Variants in TBC1D4 observed in about 807,000 individuals in gnomAD.
TBC1D4 encodes TBC1 domain family member 4, also known as TBC (Tre-2, BUB2, CDC16) domain-containing protein.
Under a neutral mutation model 142.5 loss-of-function variants are expected in TBC1D4, and 121 were observed. The ratio of observed to expected loss-of-function variants is 0.85; its 90% CI spans 0.73 to 0.99. TBC1D4 has a LOEUF of 0.99. Ranked by LOEUF, TBC1D4 falls within the 50% of genes least tolerant of loss-of-function variation. The pLI is 0.00. For synonymous variants in TBC1D4, 630 were observed against 628.2 expected, an observed-to-expected ratio of 1.00 and a Z score of -0.04; for missense variants, 1,475 against 1,606.6, an observed-to-expected ratio of 0.92 and a Z score of 1.40.
chr13:75,407,080 A>AG (rs1345542813), intron 1 of TBC1D4, among the ~76,000 whole-genome samples: 1 of 152,198 alleles, frequency 6.6e-6, no homozygotes, highest in African/African-American at 2.4e-5. Context: ...TGCATGCATA[A>AG]GGAGGAGAAA....
intron 1 of TBC1D4, among the ~76,000 whole-genome samples, chr13:75,426,147 A>G (rs1294283633): frequency 1.3e-5 from 2 of 152,192 alleles, no homozygotes; most frequent in Non-Finnish European, 2.9e-5. Flanking sequence ...ACATTTCTCC[A>G]AAGAAGACAT....
chr13:75,464,170 G>T (rs1888078390), intron 1 of TBC1D4, among the ~76,000 whole-genome samples: 1 of 152,126 alleles, frequency 6.6e-6, no homozygotes. Flanking sequence ...CTTTCTCAGA[G>T]CCCCTGGCTG....
At chr13:75,419,314 G>C (rs1886061574) in intron 1 of TBC1D4, among the ~76,000 whole-genome samples, 2 of 152,078 alleles carry the variant, frequency 1.3e-5, no homozygotes, top group South Asian at 4.1e-4. Context: ...TCCAGTGCTG[G>C]AGGAGGAAAA....
At position 75,481,729 on chromosome 13, in the gene TBC1D4, C is replaced by T; in HGVS notation, c.39G>A (p.Pro13=). 3.1e-6 allele frequency: 5 copies of T among 1,594,736 alleles called. No homozygotes were observed. In the South Asian group the frequency reaches 4.5e-5, roughly 14 times the overall value. The change falls in exon 1 of 21, where the codon CCG becomes CCA. Residue 13 remains proline, a synonymous_variant. Coordinates refer to ENST00000377636, the MANE Select transcript of TBC1D4 (RefSeq NM_014832.5). The part of the protein sequence containing the change: ...PPSCIQDEPF[P]HPLEPEPGVS... ...CGCCCGGCTCGGGCTCCAGGGGGTG[C>T]GGGAACGGCTCATCCTGAATGCAGC... is the stretch of plus-strand genomic sequence containing the variant.
chr13:75,357,908 A>C (rs914034176), intron 3 of TBC1D4, among the ~76,000 whole-genome samples: 1 of 152,212 alleles, frequency 6.6e-6, no homozygotes, highest in African/African-American at 2.4e-5. Context: ...GAATATCAGA[A>C]TGCAAATCTT....
At chr13:75,367,386 G>A (rs751449178) in intron 1 of TBC1D4, among the ~76,000 whole-genome samples, 20 of 152,074 alleles carry the variant, frequency 1.3e-4, no homozygotes, top group Admixed American at 5.2e-4. Context: ...GGATATCAGC[G>A]TGAGAATAAG....
intron 1 of TBC1D4, among the ~76,000 whole-genome samples, chr13:75,412,360 G>A (rs1256658906): frequency 6.6e-6 from 1 of 152,090 alleles, no homozygotes; most frequent in Non-Finnish European, 1.5e-5. Flanking sequence ...ATGGCCCACT[G>A]TAGCCTTGAC....
chr13:75,302,417 T>A lies in TBC1D4; in HGVS notation c.2753-16A>T, dbSNP rs770341171. Reference sequence around the variant, plus strand: ...TTGGGAACTCCTACAATGAAGGAGATAAATAACCAAGGCCTTGAACTCTGG... The same window carrying A: ...TTGGGAACTCCTACAATGAAGGAGAAAAATAACCAAGGCCTTGAACTCTGG... On this transcript the variant is annotated splice_polypyrimidine_tract_variant and intron_variant, in intron 15 of 20. Transcript: ENST00000377636. The A allele has an allele frequency of 5.5e-5, 89 of 1,613,872 alleles. No homozygotes were observed. The highest frequency in any genetic ancestry group is 7.4e-5 in the Non-Finnish European group (87 of 1,179,996).
intron 3 of TBC1D4, among the ~76,000 whole-genome samples, chr13:75,357,233 A>G (rs1882124810): frequency 6.6e-6 from 1 of 152,220 alleles, no homozygotes; most frequent in Non-Finnish European, 1.5e-5. Context: ...TGTTATAATA[A>G]GCTCTATCCA....
At chr13:75,469,563 G>A (rs1208869346) in intron 1 of TBC1D4, among the ~76,000 whole-genome samples, 1 of 152,154 alleles carries the variant, frequency 6.6e-6, no homozygotes, top group African/African-American at 2.4e-5. Context: ...TTGAGCCCAG[G>A]AGTTTGAGAC....
intron 5 of TBC1D4, among the ~76,000 whole-genome samples, chr13:75,343,089 A>G (rs1469986280): frequency 6.6e-6 from 1 of 152,248 alleles, no homozygotes; most frequent in Non-Finnish European, 1.5e-5. Flanking sequence ...GTATTAGTCT[A>G]TAAGTACATT....
intron 3 of TBC1D4, among the ~76,000 whole-genome samples, chr13:75,356,874 C>G (rs1018440005): frequency 9.2e-5 from 14 of 152,098 alleles, no homozygotes; most frequent in African/African-American, 3.4e-4. Flanking sequence ...AAATCAGAAT[C>G]ATCTGTGATT....
chr13:75,346,162 GT>G (rs982384431), intron 5 of TBC1D4, among the ~76,000 whole-genome samples: 4 of 151,562 alleles, frequency 2.6e-5, no homozygotes, highest in African/African-American at 4.8e-5. Context: ...TCAAAGTTTT[GT>G]TTTTTTTATA....
At chr13:75,440,682 T>A (rs564341195) in intron 1 of TBC1D4, among the ~76,000 whole-genome samples, 1 of 151,244 alleles carries the variant, frequency 6.6e-6, no homozygotes, top group East Asian at 2.0e-4. Flanking sequence ...GCCCCCTGAG[T>A]AGACAGGGCT....
intron 1 of TBC1D4, among the ~76,000 whole-genome samples, chr13:75,398,268 C>T (rs968452730): frequency 6.6e-6 from 1 of 152,140 alleles, no homozygotes; most frequent in African/African-American, 2.4e-5. Context: ...GTTTGTTACG[C>T]AATGAACAAG....
intron 8 of TBC1D4, among the ~76,000 whole-genome samples, chr13:75,329,121 A>C (rs1412420730): frequency 2.0e-5 from 3 of 150,450 alleles, no homozygotes; most frequent in Admixed American, 6.6e-5. Context: ...CCCAACCCCC[A>C]CACACACCTT....
At chr13:75,326,542 G>A in intron 9 of TBC1D4, 119 bp from the exon 10 acceptor site, 1 of 1,050,766 alleles carries the variant, frequency 9.5e-7, no homozygotes, top group Non-Finnish European at 1.4e-6. Context: ...TGACAAAACT[G>A]TTTTTCCTCC....
intron 8 of TBC1D4, among the ~76,000 whole-genome samples, chr13:75,333,007 A>G (rs1879884065): frequency 6.6e-6 from 1 of 152,246 alleles, no homozygotes; most frequent in South Asian, 2.1e-4. Context: ...GGTGGAAATA[A>G]TGTTTTTAAA....
In TBC1D4 at chr13:75,349,233, G is replaced by A; in HGVS notation, c.1345C>T (p.Gln449Ter). ...TAAALQSAKT[Q>*]IKLCEACPMH... ...GGGCAGGCCTCACACAGTTTAATCTGCGTCTTGGCACTCTGCAGGGCAGCC... is the reference window on the plus strand; with the variant it reads ...GGGCAGGCCTCACACAGTTTAATCTACGTCTTGGCACTCTGCAGGGCAGCC... Residue 449 changes from glutamine (Q) to a stop codon, truncating the protein, a stop_gained, in exon 5 of 21, where the codon CAG (glutamine) becomes TAG (stop). Coordinates refer to ENST00000377636, the MANE Select transcript of TBC1D4 (RefSeq NM_014832.5). LOFTEE classifies it high-confidence loss of function. 1 of 1,613,924 alleles carries A rather than the reference G, an allele frequency of 6.2e-7. No homozygotes were observed. The highest frequency in any genetic ancestry group is 8.5e-7 in the Non-Finnish European group (1 of 1,179,938).
Sources: allele counts gnomAD v4.1 joint callset (sites outside exome capture counted in the v4.1 genomes callset), GRCh38; gene constraint gnomAD v4.1.1; transcripts MANE v1.5; gene names NCBI Gene and HGNC (gene_info 2026-07-23, HGNC 2026-07-21).